Variants in ARMH3 observed in about 807,000 individuals in gnomAD.
ARMH3 encodes armadillo-like helical domain-containing protein 3.
A neutral mutation model predicts 99.1 loss-of-function variants in ARMH3; 60 were observed. That is an observed-to-expected ratio of 0.61 (90% CI 0.49 to 0.75). The LOEUF (loss-of-function observed/expected upper bound fraction) is 0.75, where lower values mean the gene tolerates loss of function less well. ARMH3 is among the 30% of genes least tolerant of loss of function. ARMH3 has a pLI of 0.00. For synonymous variants in ARMH3, 285 were observed against 292.8 expected, an observed-to-expected ratio of 0.97 and a Z score of 0.27; for missense variants, 679 against 843.1, an observed-to-expected ratio of 0.81 and a Z score of 2.41.
intron 24 of ARMH3, 63 bp downstream of exon 24, chr10:101,889,349 G>A: frequency 7.0e-7 from 1 of 1,425,950 alleles, no homozygotes; most frequent in Non-Finnish European, 9.9e-7. Flanking sequence ...CCTGCCATCA[G>A]AGAGAAGGCA....
intron 24 of ARMH3, among the ~76,000 whole-genome samples, chr10:101,857,645 CTTCT>C (rs2066766216): frequency 6.6e-6 from 1 of 152,092 alleles, no homozygotes; most frequent in Non-Finnish European, 1.5e-5. Context: ...CTGAAGTCAT[CTTCT>C]TTCTAATACC....
rs116197196 is a variant in ARMH3 at position 101,987,190 on chromosome 10, T to C, written c.1406+3361A>G. Among the ~76,000 whole-genome samples, 681 of 152,172 alleles carry C rather than the reference T, an allele frequency of 4.5e-3. 2 individuals are homozygous for C. Among genetic ancestry groups the C allele is most frequent in the African/African-American group, 0.016 (650 of 41,498 alleles). The stretch of plus-strand genomic sequence containing the variant: ...AATCTTGGGCAAGCTTTTTTTCTAC[T>C]CTCTTATCCTCCCTCCATGCACTCT... On this transcript the variant is annotated intron_variant, in intron 19 of 25. Coordinates refer to ENST00000370033, the MANE Select transcript of ARMH3 (RefSeq NM_024541.3).
At position 101,957,655 on chromosome 10, in the gene ARMH3, G is replaced by C. The variant is rs1408153892; in HGVS notation, c.1573C>G (p.Leu525Val). ...LAKHNIFTLA[L>V]MIVNLFNMFI... Reference sequence around the variant, plus strand: ...GTATTTGTTTTGATACTCACCATAAGGGCTAATGTAAAAATGTTGTGTTTG... The same window carrying C: ...GTATTTGTTTTGATACTCACCATAACGGCTAATGTAAAAATGTTGTGTTTG... The change falls in exon 21 of 26, where the codon CTT becomes GTT. Residue 525 changes from leucine to valine, a missense_variant. Transcript: ENST00000370033. The C allele has an allele frequency of 6.2e-7, 1 of 1,608,548 alleles. No homozygotes were observed. The highest frequency in any genetic ancestry group is 2.2e-5 in the East Asian group (1 of 44,822).
At chr10:102,021,795 C>G (rs1012183783) in intron 8 of ARMH3, among the ~76,000 whole-genome samples, 1 of 152,170 alleles carries the variant, frequency 6.6e-6, no homozygotes, top group East Asian at 1.9e-4. Flanking sequence ...ATCCACCCGC[C>G]TCAGCCTCCC....
intron 23 of ARMH3, among the ~76,000 whole-genome samples, chr10:101,918,898 G>C (rs925655140): frequency 3.9e-5 from 6 of 152,196 alleles, no homozygotes; most frequent in Admixed American, 3.3e-4. Context: ...TTCAAATCAA[G>C]TTATAGTCCT....
At chr10:101,933,857 A>C (rs1843832493) in intron 23 of ARMH3, among the ~76,000 whole-genome samples, 1 of 152,212 alleles carries the variant, frequency 6.6e-6, no homozygotes, top group Non-Finnish European at 1.5e-5. Context: ...TTCTATCATT[A>C]ATCAATTTAG....
chr10:101,975,689 C>A (rs1422170369), intron 19 of ARMH3, among the ~76,000 whole-genome samples: 1 of 151,118 alleles, frequency 6.6e-6, no homozygotes, highest in African/African-American at 2.4e-5. Context: ...TATGGTGAAA[C>A]CCCATCTCTA....
chr10:102,024,882 C>G (rs2066967123), intron 6 of ARMH3, among the ~76,000 whole-genome samples: 2 of 151,418 alleles, frequency 1.3e-5, no homozygotes, highest in African/African-American at 4.9e-5. Context: ...CTGATAAGGA[C>G]AAGTCTGACA....
intron 23 of ARMH3, among the ~76,000 whole-genome samples, chr10:101,904,078 C>T (rs2068042762): frequency 6.6e-6 from 1 of 152,236 alleles, no homozygotes. Flanking sequence ...TAAAGCCACA[C>T]TGAAGCCTCC....
chr10:101,974,202 A>G (rs184519067), intron 20 of ARMH3, among the ~76,000 whole-genome samples: 102 of 152,348 alleles, frequency 6.7e-4, no homozygotes, highest in South Asian at 2.9e-3. Context: ...TAATCCATTA[A>G]CTAAAGATCT....
chr10:101,959,060 A>T (rs748018867), intron 20 of ARMH3, among the ~76,000 whole-genome samples: 1 of 152,170 alleles, frequency 6.6e-6, no homozygotes, highest in African/African-American at 2.4e-5. Context: ...CCCGGCCCCA[A>T]CTTGAGTTCT....
chr10:102,017,248 G>A (rs990123619), intron 8 of ARMH3, among the ~76,000 whole-genome samples: 1 of 152,180 alleles, frequency 6.6e-6, no homozygotes, highest in Non-Finnish European at 1.5e-5. Flanking sequence ...ATGATCACCA[G>A]GCTTCCTTAA....
In ARMH3 at chr10:101,850,010, G is replaced by C. The variant is rs1172202817; in HGVS notation, c.1861-118C>G. ...TGTGACAACACCCCCAAGAAACCTTGCTTATTACTTATCTTCCAGAAAACA... is the reference window on the plus strand; with the variant it reads ...TGTGACAACACCCCCAAGAAACCTTCCTTATTACTTATCTTCCAGAAAACA... On this transcript the variant is annotated intron_variant, in intron 24 of 25. Transcript: ENST00000370033. The C allele has an allele frequency of 7.8e-6, 6 of 765,582 alleles. No individual in the cohort carries two copies. In the African/African-American group the frequency reaches 8.8e-5, roughly 11 times the overall value. 47.4% of individuals were successfully genotyped at this position (765,582 alleles called of 1,614,324 possible). A position where few individuals can be genotyped will look rare whatever the true frequency, so the allele number is the denominator to read the frequency against.
chr10:102,007,602 C>T (rs190056489), intron 13 of ARMH3, among the ~76,000 whole-genome samples: 6 of 142,572 alleles, frequency 4.2e-5, no homozygotes, highest in African/African-American at 1.3e-4. Flanking sequence ...AGATGGACCA[C>T]GAGGTCAGGG....
intron 2 of ARMH3, among the ~76,000 whole-genome samples, chr10:102,038,829 T>A (rs2067341865): frequency 6.6e-6 from 1 of 151,616 alleles, no homozygotes; most frequent in South Asian, 2.1e-4. Context: ...AGCCTTGACC[T>A]CCTGGGCTTA....
chr10:101,873,368 C>T (rs1335883168), intron 24 of ARMH3, among the ~76,000 whole-genome samples: 3 of 151,808 alleles, frequency 2.0e-5, no homozygotes, highest in East Asian at 3.9e-4. Flanking sequence ...GCCGAGATCG[C>T]GCCACTGCAC....
At chr10:101,971,292 A>C (rs1845761890) in intron 20 of ARMH3, among the ~76,000 whole-genome samples, 1 of 152,056 alleles carries the variant, frequency 6.6e-6, no homozygotes, top group Non-Finnish European at 1.5e-5. Context: ...TAAAGAAAAA[A>C]TACTGGCCGG....
At chr10:102,038,600 G>A (rs61873641) in intron 2 of ARMH3, among the ~76,000 whole-genome samples, 7,440 of 152,198 alleles carry the variant, frequency 0.049, 194 homozygotes, top group Middle Eastern at 0.095. Flanking sequence ...CCTTCCAGCA[G>A]AGATCTCAAA....
intron 15 of ARMH3, among the ~76,000 whole-genome samples, chr10:101,998,324 A>C (rs531112066): frequency 2.6e-5 from 4 of 152,328 alleles, no homozygotes; most frequent in African/African-American, 9.6e-5. Flanking sequence ...AAAGTGATAC[A>C]CAAGTCTGGT....
Sources: gnomAD v4.1 joint callset for allele counts (sites outside exome capture counted in the v4.1 genomes callset) on GRCh38, gnomAD v4.1.1 for gene constraint, MANE v1.5 for transcripts, NCBI Gene and HGNC (gene_info 2026-07-23, HGNC 2026-07-21) for gene names.